The following PCDH7 variants were observed in gnomAD, a reference collection of about 807,000 sequenced individuals.
PCDH7 encodes protocadherin-7.
A neutral mutation model predicts 58.9 loss-of-function variants in PCDH7; 17 were observed. That is an observed-to-expected ratio of 0.29 (90% CI 0.20 to 0.43). PCDH7 has a LOEUF of 0.43. Ranked by LOEUF, PCDH7 falls within the 20% of genes least tolerant of loss-of-function variation. PCDH7 has a pLI of 1.00. For missense variants in PCDH7, 1,274 were observed against 1,441.0 expected (o/e 0.88, Z 1.88); for synonymous variants, 664 against 616.4 (o/e 1.08, Z -1.14).
intron 3 of PCDH7, among the ~76,000 whole-genome samples, chr4:30,960,252 A>G (rs895282778): frequency 3.3e-5 from 5 of 152,104 alleles, no homozygotes; most frequent in African/African-American, 1.2e-4. Context: ...AGTAGGGAGC[A>G]TGGATAATGG....
At chr4:31,056,191 A>G (rs1757148882) in intron 3 of PCDH7, among the ~76,000 whole-genome samples, 1 of 151,892 alleles carries the variant, frequency 6.6e-6, no homozygotes, top group Non-Finnish European at 1.5e-5. Flanking sequence ...CAATGTGGGG[A>G]AACCCCATCT....
At chr4:30,772,143 T>A (rs1183168969) in intron 1 of PCDH7, among the ~76,000 whole-genome samples, 1 of 152,202 alleles carries the variant, frequency 6.6e-6, no homozygotes, top group African/African-American at 2.4e-5. Context: ...GTGCTGGGAT[T>A]ACAGGCGTGA....
intron 3 of PCDH7, among the ~76,000 whole-genome samples, chr4:31,096,365 C>A (rs191281283): frequency 6.6e-6 from 1 of 152,098 alleles, no homozygotes; most frequent in East Asian, 1.9e-4. Flanking sequence ...AGTTGGGTCA[C>A]TGGATCTGGA....
At chr4:31,067,757 G>T (rs1190089774) in intron 3 of PCDH7, among the ~76,000 whole-genome samples, 1 of 151,900 alleles carries the variant, frequency 6.6e-6, no homozygotes, top group African/African-American at 2.4e-5. Context: ...GAACAAACAA[G>T]CTTCTTCCTT....
intron 1 of PCDH7, among the ~76,000 whole-genome samples, chr4:30,755,209 T>C (rs1222137537): frequency 6.6e-6 from 1 of 152,158 alleles, no homozygotes; most frequent in Non-Finnish European, 1.5e-5. Flanking sequence ...AAAACTTACA[T>C]GTGCTTGATC....
chr4:30,991,950 A>G (rs927223044), intron 3 of PCDH7, among the ~76,000 whole-genome samples: 2 of 152,184 alleles, frequency 1.3e-5, no homozygotes, highest in African/African-American at 4.8e-5. Context: ...ATGGAACAGC[A>G]CTTAAAACTT....
chr4:30,775,003 T>C (rs979743697), intron 1 of PCDH7, among the ~76,000 whole-genome samples: 2 of 152,250 alleles, frequency 1.3e-5, no homozygotes, highest in African/African-American at 2.4e-5. Flanking sequence ...TTTTGTTTTA[T>C]AGAATTTAAC....
intron 1 of PCDH7, among the ~76,000 whole-genome samples, chr4:30,863,600 C>A (rs557749363): frequency 1.3e-5 from 2 of 152,092 alleles, no homozygotes; most frequent in Admixed American, 6.6e-5. Context: ...ACGTATCTTA[C>A]AGCATAAAAG....
chr4:31,080,128 C>A (rs1234807141), intron 3 of PCDH7, among the ~76,000 whole-genome samples: 1 of 152,072 alleles, frequency 6.6e-6, no homozygotes, highest in Non-Finnish European at 1.5e-5. Context: ...TTCTTTAAAT[C>A]TTAGAATTAG....
intron 2 of PCDH7, among the ~76,000 whole-genome samples, chr4:30,946,525 ACT>A (rs1491399204): frequency 1.1e-5 from 1 of 93,224 alleles, no homozygotes; most frequent in Non-Finnish European, 2.6e-5. Context: ...CTTTCCATAA[ACT>A]TTTTTTTTTC....
At chr4:30,946,690 TTG>T (rs112524366) in intron 2 of PCDH7, among the ~76,000 whole-genome samples, 7,078 of 137,426 alleles carry the variant, frequency 0.052, 463 homozygotes, top group African/African-American at 0.16. Context: ...CTTATCTCTT[TTG>T]TGTGTGTGTG....
chr4:30,761,707 G>C (rs1344658839), intron 1 of PCDH7, among the ~76,000 whole-genome samples: 1 of 152,128 alleles, frequency 6.6e-6, no homozygotes, highest in African/African-American at 2.4e-5. Flanking sequence ...AAGTGGAAAG[G>C]TCCAAATTCA....
chr4:31,028,357 A>G (rs915000397), intron 3 of PCDH7, among the ~76,000 whole-genome samples: 2 of 152,122 alleles, frequency 1.3e-5, no homozygotes, highest in African/African-American at 4.8e-5. Context: ...CTTAAAACAG[A>G]ATAGAGGAAG....
chr4:30,767,342 A>T (rs1479996044), intron 1 of PCDH7, among the ~76,000 whole-genome samples: 1 of 152,244 alleles, frequency 6.6e-6, no homozygotes, highest in Non-Finnish European at 1.5e-5. Context: ...TCAAGAGCTA[A>T]ATAAGAACAC....
chr4:30,842,463 ACAC>A (rs2109339450), intron 1 of PCDH7, among the ~76,000 whole-genome samples: 1 of 152,298 alleles, frequency 6.6e-6, no homozygotes, highest in Admixed American at 6.5e-5. Context: ...TCTGTCTTCT[ACAC>A]CACATTTTAA....
Position 30,864,051 on chromosome 4 carries a change from A to T in PCDH7, c.71-56102A>T, listed in dbSNP as rs370545887. Among the ~76,000 whole-genome samples, 19 of 152,276 alleles carry T rather than the reference A, an allele frequency of 1.2e-4. No individual in the cohort carries two copies. In the East Asian group the frequency reaches 1.4e-3, roughly 11 times the overall value. ...ATCTGTGATTGGCTCAATACAGTGC[A>T]CAAAAGACTGGCAGAGGAATTCTGC... On this transcript the variant is annotated intron_variant, in intron 1 of 3. Coordinates refer to the PCDH7 transcript ENST00000509759.
intron 2 of PCDH7, among the ~76,000 whole-genome samples, chr4:30,934,526 T>C (rs1449635800): frequency 6.6e-6 from 1 of 152,128 alleles, no homozygotes; most frequent in Non-Finnish European, 1.5e-5. Context: ...ACAAATTGAC[T>C]CTCGGGCTTC....
At chr4:30,762,903 A>G (rs368624673) in intron 1 of PCDH7, among the ~76,000 whole-genome samples, 3 of 152,308 alleles carry the variant, frequency 2.0e-5, no homozygotes, top group South Asian at 2.1e-4. Flanking sequence ...ACTCACTCCA[A>G]TGAGATGGGC....
chr4:31,006,302 AT>A (rs1233216966), intron 3 of PCDH7, among the ~76,000 whole-genome samples: 3 of 152,156 alleles, frequency 2.0e-5, no homozygotes, highest in Non-Finnish European at 4.4e-5. Flanking sequence ...GCCACTAAAC[AT>A]TTTTTAAAGC....
Sources: allele counts gnomAD v4.1 joint callset (sites outside exome capture counted in the v4.1 genomes callset), GRCh38; gene constraint gnomAD v4.1.1; transcripts MANE v1.5; gene names NCBI Gene and HGNC (gene_info 2026-07-23, HGNC 2026-07-21).